PRDM10: variants seen among roughly 807,000 people sequenced by gnomAD.
PRDM10 encodes PR domain zinc finger protein 10.
In PRDM10, 65 loss-of-function variants were observed where a neutral mutation model predicts 133.1. That is an observed-to-expected ratio of 0.49 (90% CI 0.40 to 0.60). The LOEUF is 0.60. Among genes scored for constraint, PRDM10 ranks in the 20% least tolerant of loss-of-function variants. The pLI, the probability that PRDM10 is intolerant of heterozygous loss-of-function variation, is 0.00. For synonymous variants in PRDM10, 582 were observed against 580.4 expected, an observed-to-expected ratio of 1.00 and a Z score of -0.04; for missense variants, 1,137 against 1,507.1, an observed-to-expected ratio of 0.75 and a Z score of 4.07.
chr11:129,987,985 A>C (rs1179349860), intron 1 of PRDM10, among the ~76,000 whole-genome samples: 1 of 152,202 alleles, frequency 6.6e-6, no homozygotes, highest in East Asian at 1.9e-4. Context: ...TGGGCGAAAG[A>C]GTGAAACTCC....
chr11:129,951,902 A>G (rs941999249), intron 4 of PRDM10, among the ~76,000 whole-genome samples: 3 of 151,208 alleles, frequency 2.0e-5, no homozygotes, highest in Admixed American at 6.6e-5. Context: ...TGAAAATATA[A>G]TGGGAACCTT....
At chr11:129,939,554 G>A (rs932615621) in intron 7 of PRDM10, among the ~76,000 whole-genome samples, 2 of 152,162 alleles carry the variant, frequency 1.3e-5, no homozygotes, top group Non-Finnish European at 2.9e-5. Flanking sequence ...TCATGGCCAC[G>A]ATGGAGCTCT....
At chr11:129,977,133 G>T (rs1457709313) in intron 1 of PRDM10, among the ~76,000 whole-genome samples, 1 of 151,998 alleles carries the variant, frequency 6.6e-6, no homozygotes, top group African/African-American at 2.4e-5. Flanking sequence ...CCACTGTCCA[G>T]GGTCTGGCCA....
intron 18 of PRDM10, among the ~76,000 whole-genome samples, chr11:129,911,692 C>T (rs991691699): frequency 1.3e-5 from 2 of 152,186 alleles, no homozygotes; most frequent in African/African-American, 4.8e-5. Flanking sequence ...CTAATCTCTC[C>T]CTCTCTGAAC....
intron 19 of PRDM10, 59 bp downstream of exon 19, chr11:129,910,417 G>T: frequency 1.2e-6 from 2 of 1,601,274 alleles, no homozygotes; most frequent in South Asian, 1.1e-5. Context: ...AAGAAATTAT[G>T]ACACATGGCT....
intron 18 of PRDM10, 65 bp downstream of exon 18, chr11:129,912,020 C>T (rs1362017526): frequency 6.9e-7 from 1 of 1,456,642 alleles, no homozygotes; most frequent in East Asian, 2.5e-5. Context: ...TGTCTTCCCT[C>T]TCATTAACTC....
chr11:129,956,387 A>G (rs1221429648), intron 3 of PRDM10, among the ~76,000 whole-genome samples: 1 of 152,152 alleles, frequency 6.6e-6, no homozygotes, highest in Non-Finnish European at 1.5e-5. Flanking sequence ...AACATGGCAA[A>G]ACACCATCTC....
intron 1 of PRDM10, among the ~76,000 whole-genome samples, chr11:129,990,963 A>G (rs917914354): frequency 6.6e-6 from 1 of 152,148 alleles, no homozygotes; most frequent in Non-Finnish European, 1.5e-5. Flanking sequence ...ACCAAATTTC[A>G]ACCTCCTCCA....
intron 7 of PRDM10, among the ~76,000 whole-genome samples, chr11:129,940,382 A>C (rs1288263031): frequency 6.6e-6 from 1 of 152,206 alleles, no homozygotes; most frequent in East Asian, 1.9e-4. Context: ...TACTCAGCCA[A>C]GAATATTTTT....
intron 1 of PRDM10, among the ~76,000 whole-genome samples, chr11:129,984,194 C>T (rs750744179): frequency 1.3e-5 from 2 of 152,210 alleles, no homozygotes; most frequent in African/African-American, 4.8e-5. Flanking sequence ...CTGTCCTCAC[C>T]GCACTCGCTC....
chr11:129,983,157 T>C (rs1415855152), intron 1 of PRDM10, among the ~76,000 whole-genome samples: 1 of 151,892 alleles, frequency 6.6e-6, no homozygotes, highest in Non-Finnish European at 1.5e-5. Flanking sequence ...TTTGTATTTT[T>C]AGTAGGGACA....
intron 1 of PRDM10, among the ~76,000 whole-genome samples, chr11:129,974,951 A>T (rs939079539): frequency 1.3e-5 from 2 of 152,242 alleles, no homozygotes; most frequent in Non-Finnish European, 2.9e-5. Flanking sequence ...GGCTCCACTT[A>T]CATGAGGTAA....
chr11:129,965,803 G>GT (rs888767208), intron 1 of PRDM10, among the ~76,000 whole-genome samples: 2 of 151,760 alleles, frequency 1.3e-5, no homozygotes, highest in African/African-American at 4.8e-5. Context: ...TAGTCTAGTT[G>GT]TTTTTTTCCT....
chr11:129,988,831 G>A lies in PRDM10; in HGVS notation c.-119+13891C>T, dbSNP rs1017249240. ...TTTTTAACAGAGACGGGGTTTCACC[G>A]TGTTAGCCAGGATGGTCTCGATCTC... On this transcript the variant is annotated intron_variant, in intron 1 of 20. Transcript: ENST00000360871. 1.9e-4 allele frequency among the ~76,000 whole-genome samples: 29 copies of A among 151,984 alleles called. 1 individual carries two copies. The South Asian group carries it at 2.3e-3, about 12-fold the overall frequency.
rs756592832 is a variant in PRDM10 at position 129,902,426 on chromosome 11, G to A, written c.3358C>T (p.His1120Tyr). The A allele has an allele frequency of 1.2e-6, 2 of 1,614,194 alleles. No individual in the cohort carries two copies. The highest frequency in any genetic ancestry group is 1.7e-6 in the Non-Finnish European group (2 of 1,180,028). Residue 1120 changes from histidine (H) to tyrosine (Y), a missense_variant, in exon 21 of 21, where the codon CAC becomes TAC. Physicochemically the swap from His to Tyr is moderately conservative, Grantham distance 83. This residue lies in a region of PRDM10 where 243 missense variants were observed against 259.2 expected (regional missense o/e 0.94). Transcript: ENST00000360871. ...SGGVQVEPPA[H>Y]SDSLDPQTNS... ...GTCTGGGGGTCCAGGGAGTCACTGT[G>A]TGCAGGTGGCTCGACCTGGACTCCA...
intron 17 of PRDM10, among the ~76,000 whole-genome samples, chr11:129,913,159 A>G (rs1252911207): frequency 6.8e-6 from 1 of 146,894 alleles, no homozygotes; most frequent in East Asian, 2.1e-4. Context: ...CGGAGGTTGC[A>G]GTGAGCCATG....
In PRDM10 at chr11:129,960,876, T is replaced by TGG; in HGVS notation, c.69+18_69+19dup. 1 of 1,613,904 alleles carries TGG rather than the reference T, an allele frequency of 6.2e-7. No individual in the cohort carries two copies. The highest frequency in any genetic ancestry group is 8.5e-7 in the Non-Finnish European group (1 of 1,179,868). On this transcript the variant is annotated intron_variant, in intron 2 of 20. Coordinates refer to ENST00000360871, the MANE Select transcript of PRDM10 (RefSeq NM_199437.2). ...AGCTGAAAACCTCTCAATACCAAGC[T>TGG]GGAAAAGACCAGTCTTCACCTGTGC...
chr11:129,961,292 T>G (rs1282285444), intron 1 of PRDM10, among the ~76,000 whole-genome samples: 1 of 151,714 alleles, frequency 6.6e-6, no homozygotes, highest in African/African-American at 2.4e-5. Context: ...GGGGTTTTTT[T>G]GGGGGGGTGA....
chr11:129,984,605 C>A (rs1456923079), intron 1 of PRDM10, among the ~76,000 whole-genome samples: 2 of 152,292 alleles, frequency 1.3e-5, no homozygotes, highest in Admixed American at 6.5e-5. Flanking sequence ...AGCGCTCCCC[C>A]ACAGCTCTCA....
Sources: allele counts gnomAD v4.1 joint callset (sites outside exome capture counted in the v4.1 genomes callset), GRCh38; gene constraint gnomAD v4.1.1; regional missense constraint gnomAD v4.1.1; transcripts MANE v1.5; gene names NCBI Gene and HGNC (gene_info 2026-07-23, HGNC 2026-07-21).